The following CFAP54 variants were observed in gnomAD, a reference collection of about 807,000 sequenced individuals.
CFAP54 encodes cilia- and flagella-associated protein 54.
In CFAP54, 290 loss-of-function variants were observed where a neutral mutation model predicts 370.4. That is an observed-to-expected ratio of 0.78 (90% CI 0.71 to 0.86). The LOEUF (loss-of-function observed/expected upper bound fraction) is 0.86. Among genes scored for constraint, CFAP54 ranks in the 40% least tolerant of loss-of-function variants. CFAP54 has a pLI of 0.00. For missense variants in CFAP54, 3,399 were observed against 3,528.7 expected (o/e 0.96, Z 0.93); for synonymous variants, 1,206 against 1,236.5 (o/e 0.98, Z 0.52).
intron 65 of CFAP54, among the ~76,000 whole-genome samples, chr12:96,820,565 A>G (rs1251717704): frequency 6.6e-6 from 1 of 152,178 alleles, no homozygotes; most frequent in Admixed American, 6.5e-5. Flanking sequence ...GCCTAGGTAT[A>G]TCATGGGGCA....
intron 33 of CFAP54, chr12:96,646,881 T>G (rs938434446): frequency 3.9e-5 from 6 of 152,116 alleles, no homozygotes; most frequent in Admixed American, 3.3e-4. Flanking sequence ...ATGTTCTCAC[T>G]CATAGGTGGG....
At chr12:96,808,666 G>A (rs558007718) in intron 63 of CFAP54, among the ~76,000 whole-genome samples, 1 of 152,268 alleles carries the variant, frequency 6.6e-6, no homozygotes, top group South Asian at 2.1e-4. Context: ...AAACACGTGT[G>A]AGCCCAGACT....
At chr12:96,831,771 A>G (rs1244562311) in intron 66 of CFAP54, among the ~76,000 whole-genome samples, 2 of 152,180 alleles carry the variant, frequency 1.3e-5, no homozygotes, top group African/African-American at 2.4e-5. Flanking sequence ...TCTCTTGGTC[A>G]CTGGTTCTTG....
chr12:96,827,707 T>TATATAATTATATATAATTATATATA lies in CFAP54; in HGVS notation c.9097-1285_9097-1284insATAATATAATTATATATAATTATAT, dbSNP rs1565994314. On this transcript the variant is annotated intron_variant, in intron 65 of 67. Transcript: ENST00000524981. ...TGATACATAGTAATATATTATATTATATATAATTATATATAATTATATTTA... is the reference window on the plus strand; with the variant it reads ...TGATACATAGTAATATATTATATTATATATAATTATATATAATTATATATAATATAATTATATATAATTATATTTA... Among the ~76,000 whole-genome samples the TATATAATTATATATAATTATATATA allele has an allele frequency of 4.0e-4, 36 of 90,268 alleles. 1 individual carries two copies. The highest frequency in any genetic ancestry group is 6.6e-4 in the East Asian group (2 of 3,026). 59.2% of individuals were successfully genotyped at this position (90,268 alleles called of 152,430 possible). A position where few individuals can be genotyped will look rare whatever the true frequency, so the allele number is the denominator to read the frequency against.
chr12:96,589,388 G>A (rs755296647), intron 22 of CFAP54, 39 bp from the exon 23 acceptor site: 52 of 1,444,148 alleles, frequency 3.6e-5, no homozygotes, highest in Middle Eastern at 3.5e-4. Flanking sequence ...ATTCATTCAC[G>A]AATAAAACTA....
intron 26 of CFAP54, among the ~76,000 whole-genome samples, chr12:96,612,303 AG>A (rs200783670): frequency 0.088 from 13,377 of 152,244 alleles, 767 homozygotes; most frequent in Middle Eastern, 0.14. Context: ...TCATAAGTGA[AG>A]GAAAAATAAA....
intron 32 of CFAP54, among the ~76,000 whole-genome samples, chr12:96,641,894 C>G (rs1475170239): frequency 1.5e-5 from 2 of 135,672 alleles, no homozygotes; most frequent in Non-Finnish European, 3.0e-5. Context: ...CACATGGACA[C>G]AGGAAGGGGA....
intron 39 of CFAP54, among the ~76,000 whole-genome samples, chr12:96,666,752 A>G (rs961541722): frequency 1.2e-4 from 19 of 152,164 alleles, no homozygotes; most frequent in Non-Finnish European, 2.5e-4. Context: ...CAGCCAAACC[A>G]TATCATTCTG....
chr12:96,835,522 C>G (rs1201588372), intron 66 of CFAP54, among the ~76,000 whole-genome samples: 1 of 151,138 alleles, frequency 6.6e-6, no homozygotes, highest in South Asian at 2.1e-4. Context: ...TGCCCAGGAA[C>G]CTGTCTGCCT....
chr12:96,752,084 A>AGGAGAGAGAGAG (rs1565965149), intron 55 of CFAP54, among the ~76,000 whole-genome samples: 1 of 32,302 alleles, frequency 3.1e-5, no homozygotes, highest in African/African-American at 9.2e-5. Flanking sequence ...TTCTTCCTGG[A>AGGAGAGAGAGAG]TGAGAGAGAG....
chr12:96,617,930 C>T (rs1406203812), intron 26 of CFAP54, among the ~76,000 whole-genome samples: 3 of 140,548 alleles, frequency 2.1e-5, no homozygotes, highest in Non-Finnish European at 4.5e-5. Context: ...GCAGAGCTTG[C>T]AGTGAGCCGA....
chr12:96,763,575 T>G (rs1329507810), intron 58 of CFAP54, among the ~76,000 whole-genome samples: 1 of 152,062 alleles, frequency 6.6e-6, no homozygotes. Context: ...GCTCAGGAGA[T>G]CAAGACCAGC....
chr12:96,825,228 C>G (rs1290354714), intron 65 of CFAP54, among the ~76,000 whole-genome samples: 1 of 132,452 alleles, frequency 7.5e-6, no homozygotes, highest in Non-Finnish European at 1.6e-5. Context: ...TATATTCTCT[C>G]CCACATCTAG....
chr12:96,822,061 A>G (rs1024914553), intron 65 of CFAP54, among the ~76,000 whole-genome samples: 3 of 152,134 alleles, frequency 2.0e-5, no homozygotes, highest in Non-Finnish European at 2.9e-5. Flanking sequence ...CAGAACACAT[A>G]TATTAATTTA....
chr12:96,750,747 A>G (rs940096642), intron 55 of CFAP54, among the ~76,000 whole-genome samples: 5 of 152,228 alleles, frequency 3.3e-5, no homozygotes, highest in Non-Finnish European at 5.9e-5. Flanking sequence ...TCACCACTCA[A>G]TGACAATACT....
At chr12:96,605,231 C>T (rs1045991510) in intron 26 of CFAP54, among the ~76,000 whole-genome samples, 1 of 152,142 alleles carries the variant, frequency 6.6e-6, no homozygotes, top group South Asian at 2.1e-4. Flanking sequence ...ATCATCTTAT[C>T]AGGTTGTGAT....
intron 60 of CFAP54, among the ~76,000 whole-genome samples, chr12:96,777,457 C>T (rs1319906398): frequency 6.6e-6 from 1 of 151,716 alleles, no homozygotes; most frequent in Non-Finnish European, 1.5e-5. Context: ...TCAAGTGATT[C>T]TCCTGCCTCA....
At chr12:96,510,079 C>T (rs2136356492) in intron 4 of CFAP54, among the ~76,000 whole-genome samples, 1 of 151,208 alleles carries the variant, frequency 6.6e-6, no homozygotes, top group South Asian at 2.1e-4. Flanking sequence ...GTAGTGAAAC[C>T]CCATCTCTAC....
intron 39 of CFAP54, among the ~76,000 whole-genome samples, chr12:96,671,130 G>A (rs1273407685): frequency 2.6e-5 from 4 of 151,940 alleles, no homozygotes; most frequent in African/African-American, 9.7e-5. Flanking sequence ...CTGCCACCAC[G>A]CCTGGCTAAT....
Sources: allele counts gnomAD v4.1 joint callset (sites outside exome capture counted in the v4.1 genomes callset), GRCh38; gene constraint gnomAD v4.1.1; transcripts MANE v1.5; gene names NCBI Gene and HGNC (gene_info 2026-07-23, HGNC 2026-07-21).